The following DZIP1L variants were observed in gnomAD, a reference collection of about 807,000 sequenced individuals.
DZIP1L encodes DAZ interacting zinc finger protein 1 like, also known as cilium assembly protein DZIP1L.
In DZIP1L, 90 loss-of-function variants were observed where a neutral mutation model predicts 88.7. That is an observed-to-expected ratio of 1.02 (90% CI 0.86 to 1.21). DZIP1L has a LOEUF of 1.21. Among genes scored for constraint, DZIP1L ranks in the 50% most tolerant of loss-of-function variants. The pLI is 0.00. For synonymous variants in DZIP1L, 363 were observed against 372.1 expected (o/e 0.98, Z 0.28); for missense variants, 932 against 955.8 (o/e 0.98, Z 0.33).
At chr3:138,110,931 T>A (rs1425378033) in intron 1 of DZIP1L, among the ~76,000 whole-genome samples, 1 of 152,112 alleles carries the variant, frequency 6.6e-6, no homozygotes, top group East Asian at 1.9e-4. Context: ...GCTCCAAAGT[T>A]TTTTTCTCCA....
intron 3 of DZIP1L, among the ~76,000 whole-genome samples, chr3:138,095,819 G>A (rs1024636587): frequency 2.9e-4 from 44 of 151,894 alleles, no homozygotes; most frequent in African/African-American, 1.0e-3. Flanking sequence ...GAAAAAAAAA[G>A]CAGCATGTAT....
chr3:138,102,337 C>A, intron 2 of DZIP1L: 1 of 1,242,286 alleles, frequency 8.0e-7, no homozygotes, highest in Non-Finnish European at 1.2e-6. Context: ...TCGATGAAGG[C>A]AAATTTATTC....
rs1942748915 is a variant in DZIP1L, at chr3:138,062,679, C to T, written c.*137G>A. ...AGGAGGGATGAGATCATATCCATTC[C>T]CTGCACTGCTTCTCTCCAAGAGGAT... is the stretch of plus-strand genomic sequence containing the variant. On this transcript the variant is annotated 3_prime_UTR_variant, in exon 16 of 16. Transcript: ENST00000327532. 9.6e-7 allele frequency: 1 copy of T among 1,043,880 alleles called. No individual in the cohort carries two copies. Among genetic ancestry groups the T allele is most frequent in the East Asian group, 2.4e-5 (1 of 41,366 alleles). The allele number at this position is 1,043,880 out of a possible 1,614,324, so 64.7% of individuals were successfully genotyped here. A position where few individuals can be genotyped will look rare whatever the true frequency, so the allele number is the denominator to read the frequency against.
chr3:138,091,151 C>T (rs1053166827), intron 5 of DZIP1L, among the ~76,000 whole-genome samples: 1 of 151,700 alleles, frequency 6.6e-6, no homozygotes, highest in Non-Finnish European at 1.5e-5. Flanking sequence ...TGAGCCACTG[C>T]GCCCAGCCCA....
Position 138,063,116 on chromosome 3 carries a change from T to G in DZIP1L, c.2143-139A>C. ...TGGGAAGAAAGCAATAGGGAGATGC[T>G]ACTCCTCCTGACTTCTCAAGTCTTC... On this transcript the variant is annotated intron_variant, in intron 15 of 15. Transcript: ENST00000327532. The surrounding 1 kb of genome is among the most constrained non-coding windows in gnomAD (Gnocchi z 4.1). The G allele has an allele frequency of 1.1e-6, 1 of 934,590 alleles. No individual in the cohort carries two copies. Among genetic ancestry groups the G allele is most frequent in the Non-Finnish European group, 1.6e-6 (1 of 630,640 alleles). 57.9% of individuals were successfully genotyped at this position (934,590 alleles called of 1,614,324 possible).
chr3:138,110,844 G>C (rs921821460), intron 1 of DZIP1L, among the ~76,000 whole-genome samples: 2 of 152,234 alleles, frequency 1.3e-5, no homozygotes, highest in Non-Finnish European at 2.9e-5. Flanking sequence ...TGTGATCAAA[G>C]AGAGGAAACA....
At chr3:138,093,508 T>G (rs998046072) in intron 4 of DZIP1L, among the ~76,000 whole-genome samples, 5 of 152,230 alleles carry the variant, frequency 3.3e-5, no homozygotes, top group African/African-American at 1.2e-4. Flanking sequence ...AGAATCATCC[T>G]GTTCTTTGAA....
chr3:138,080,698 G>A, intron 9 of DZIP1L, 78 bp from the exon 10 acceptor site: 1 of 1,494,248 alleles, frequency 6.7e-7, no homozygotes, highest in African/African-American at 1.4e-5. Context: ...CAGAACCCCA[G>A]CTGAGTATGA....
At chr3:138,091,085 T>C (rs930290674) in intron 5 of DZIP1L, among the ~76,000 whole-genome samples, 1 of 151,860 alleles carries the variant, frequency 6.6e-6, no homozygotes, top group Non-Finnish European at 1.5e-5. Flanking sequence ...GGTTTCGCCA[T>C]GTTGGTCATG....
chr3:138,067,730 T>G, intron 13 of DZIP1L, 30 bp from the exon 14 acceptor site: 1 of 1,517,586 alleles, frequency 6.6e-7, no homozygotes, highest in Non-Finnish European at 8.8e-7. Context: ...AAATGAGGGA[T>G]GCATGGGCCA....
At chr3:138,081,923 C>T (rs1336432787) in intron 8 of DZIP1L, 159 bp from the exon 9 acceptor site, 16 of 562,928 alleles carry the variant, frequency 2.8e-5, no homozygotes, top group Middle Eastern at 4.7e-4. Flanking sequence ...ACCCCAGCCC[C>T]CTGACACATC....
rs1037442891 is a variant in DZIP1L at position 138,115,320 on chromosome 3, C to T, written c.-82+8G>A. The T allele has an allele frequency of 6.6e-6, 1 of 152,208 alleles. No homozygotes were observed. The highest frequency in any genetic ancestry group is 2.4e-5 in the African/African-American group (1 of 41,446). The allele number at this position is 152,208 out of a possible 1,614,324, so 9.4% of individuals were successfully genotyped here. On this transcript the variant is annotated splice_region_variant and intron_variant, in intron 1 of 15. Coordinates refer to ENST00000327532, the MANE Select transcript of DZIP1L (RefSeq NM_173543.3). ...TCCTGGCATAGTTTTCCCGCGCGGC[C>T]CGCTCACCGTGGGGTCTCCTGGAGC...
chr3:138,067,421 TAAGAAAGCCTA>T lies in DZIP1L; in HGVS notation c.2002+99_2002+109del. 2.4e-6 allele frequency: 3 copies of T among 1,266,592 alleles called. No individual in the cohort carries two copies. The South Asian group carries it at 5.1e-5, about 22-fold the overall frequency. 78.5% of individuals were successfully genotyped at this position (1,266,592 alleles called of 1,614,324 possible). ...GCCAAATAGAGAAAGAGATGTCAAA[TAAGAAAGCCTA>T]AAGGAAGCTAAAGGGTGTTTCTGGA... On this transcript the variant is annotated intron_variant, in intron 14 of 15. Transcript: ENST00000327532.
At chr3:138,065,659 C>T (rs1576428081) in intron 14 of DZIP1L, among the ~76,000 whole-genome samples, 1 of 152,232 alleles carries the variant, frequency 6.6e-6, no homozygotes, top group African/African-American at 2.4e-5. Flanking sequence ...GCAGGCTTGG[C>T]TTATGCTGTA....
chr3:138,072,949 C>A (rs929283129), intron 11 of DZIP1L, among the ~76,000 whole-genome samples: 1 of 152,172 alleles, frequency 6.6e-6, no homozygotes, highest in Non-Finnish European at 1.5e-5. Context: ...CAGCCATAAT[C>A]CCCCTGGGAA....
At chr3:138,069,355 C>T (rs1943066853) in intron 12 of DZIP1L, among the ~76,000 whole-genome samples, 1 of 152,168 alleles carries the variant, frequency 6.6e-6, no homozygotes, top group South Asian at 2.1e-4. Flanking sequence ...TCCATATTGT[C>T]GGTAAGACTT....
intron 11 of DZIP1L, among the ~76,000 whole-genome samples, chr3:138,075,740 C>A (rs1943374988): frequency 6.6e-6 from 1 of 152,158 alleles, no homozygotes; most frequent in African/African-American, 2.4e-5. Flanking sequence ...GTAATCTCAG[C>A]ACCTTGGGAG....
In DZIP1L at chr3:138,062,702, G is replaced by T; in HGVS notation, c.*114C>A. ...TCCCTGCACTGCTTCTCTCCAAGAG[G>T]ATGATCTCTTGGTTGTTTGTGAAGA... On this transcript the variant is annotated 3_prime_UTR_variant, in exon 16 of 16. Transcript: ENST00000327532. 2 of 1,212,918 alleles carry T rather than the reference G, an allele frequency of 1.6e-6. No homozygotes were observed. Among genetic ancestry groups the T allele is most frequent in the Non-Finnish European group, 2.4e-6 (2 of 846,254 alleles). 75.1% of individuals were successfully genotyped at this position (1,212,918 alleles called of 1,614,324 possible). A position where few individuals can be genotyped will look rare whatever the true frequency, so the allele number is the denominator to read the frequency against.
At position 138,097,577 on chromosome 3, in the gene DZIP1L, G is replaced by A. The variant is rs116598932; in HGVS notation, c.586+186C>T. Among the ~76,000 whole-genome samples the A allele has an allele frequency of 3.9e-3, 590 of 152,302 alleles. 4 individuals are homozygous for A. Among genetic ancestry groups the A allele is most frequent in the African/African-American group, 0.014 (569 of 41,550 alleles). On this transcript the variant is annotated intron_variant, in intron 3 of 15. Coordinates refer to ENST00000327532, the MANE Select transcript of DZIP1L (RefSeq NM_173543.3). ...GACTCCCAGCCCTTCTTTACACGTG[G>A]GGTCAGAAACCCTTCCAACCCATGT...
Sources: gnomAD v4.1 joint callset for allele counts (sites outside exome capture counted in the v4.1 genomes callset) on GRCh38, gnomAD v4.1.1 for gene constraint, Gnocchi (gnomAD v3.1) non-coding constraint, MANE v1.5 for transcripts, NCBI Gene and HGNC (gene_info 2026-07-23, HGNC 2026-07-21) for gene names.